The following PATJ variants were observed in gnomAD, a reference collection of about 807,000 sequenced individuals.
PATJ encodes PATJ crumbs cell polarity complex component, also known as inaD-like protein.
Under a neutral mutation model 224.9 loss-of-function variants are expected in PATJ, and 190 were observed. The ratio of observed to expected loss-of-function variants is 0.84; its 90% CI spans 0.75 to 0.95. PATJ has a LOEUF of 0.95. PATJ is among the 40% of genes least tolerant of loss of function. The probability of loss-of-function intolerance (pLI) is 0.00; values close to 1 mark genes in which losing one functional copy is unlikely to be tolerated. For synonymous variants in PATJ, 769 were observed against 820.3 expected (o/e 0.94, Z 1.07); for missense variants, 2,121 against 2,270.3 (o/e 0.93, Z 1.34).
intron 20 of PATJ, among the ~76,000 whole-genome samples, chr1:61,873,769 C>G (rs1422859870): frequency 6.6e-6 from 1 of 152,172 alleles, no homozygotes; most frequent in Non-Finnish European, 1.5e-5. Flanking sequence ...ATAAGGGAAC[C>G]TGCACAGGGA....
rs555173787 is a variant in PATJ at position 61,925,637 on chromosome 1, G to A, written c.3571-2093G>A. On this transcript the variant is annotated intron_variant, in intron 26 of 43. Coordinates refer to ENST00000642238, the MANE Select transcript of PATJ (RefSeq NM_001350145.3). ...AGGCATCACAATTTAATTGGTTCTGGTAGGTGAGTCTGCTTGAGCATCTCT... is the reference window on the plus strand; with the variant it reads ...AGGCATCACAATTTAATTGGTTCTGATAGGTGAGTCTGCTTGAGCATCTCT... Among the ~76,000 whole-genome samples, 12 of 152,276 alleles carry A rather than the reference G, an allele frequency of 7.9e-5. No homozygotes were observed. In the South Asian group the frequency reaches 2.5e-3, roughly 32 times the overall value.
At chr1:61,749,673 C>T (rs879936374) in intron 1 of PATJ, among the ~76,000 whole-genome samples, 1 of 150,438 alleles carries the variant, frequency 6.6e-6, no homozygotes, top group Non-Finnish European at 1.5e-5. Flanking sequence ...CCCCTCACCG[C>T]AGCCTGGTGT....
chr1:61,763,958 G>A (rs1245453959), intron 3 of PATJ, among the ~76,000 whole-genome samples: 2 of 151,846 alleles, frequency 1.3e-5, no homozygotes, highest in Non-Finnish European at 2.9e-5. Flanking sequence ...TTGCCCAGGC[G>A]TATTTTCCTT....
intron 31 of PATJ, among the ~76,000 whole-genome samples, chr1:62,052,276 T>A (rs1317029619): frequency 2.0e-5 from 3 of 152,114 alleles, no homozygotes; most frequent in South Asian, 4.2e-4. Context: ...ATCTTGCGAC[T>A]GCCACAGATT....
At chr1:61,932,277 C>T (rs564727859) in intron 27 of PATJ, among the ~76,000 whole-genome samples, 47 of 151,852 alleles carry the variant, frequency 3.1e-4, no homozygotes, top group Non-Finnish European at 5.7e-4. Context: ...ATTATACTTC[C>T]GATCCAGAGA....
chr1:61,973,479 C>A (rs1054000962), intron 27 of PATJ, among the ~76,000 whole-genome samples: 2 of 152,020 alleles, frequency 1.3e-5, no homozygotes, highest in African/African-American at 2.4e-5. Flanking sequence ...CCTTTTTCTG[C>A]ATTCTACTAC....
intron 1 of PATJ, among the ~76,000 whole-genome samples, chr1:61,753,667 G>A (rs555236841): frequency 5.2e-4 from 79 of 151,840 alleles, no homozygotes; most frequent in Admixed American, 2.5e-3. Context: ...GCATCACCAC[G>A]TCAAGCTGAT....
At chr1:62,057,551 A>G (rs12072096) in intron 31 of PATJ, among the ~76,000 whole-genome samples, 25,487 of 152,196 alleles carry the variant, frequency 0.17, 2,276 homozygotes, top group South Asian at 0.34. Flanking sequence ...CAGCACTGGC[A>G]GTCCATGAGA....
chr1:61,814,432 C>T (rs1333553109), intron 14 of PATJ, among the ~76,000 whole-genome samples: 10 of 152,064 alleles, frequency 6.6e-5, no homozygotes, highest in Non-Finnish European at 2.9e-5. Flanking sequence ...CGTGAGCCAC[C>T]GTGCCCGGCC....
At chr1:61,785,973 C>T (rs1648421730) in intron 7 of PATJ, among the ~76,000 whole-genome samples, 1 of 152,062 alleles carries the variant, frequency 6.6e-6, no homozygotes, top group South Asian at 2.1e-4. Context: ...AGAAATATAA[C>T]ATTATGTATC....
chr1:61,915,944 C>G (rs1673398486), intron 26 of PATJ, among the ~76,000 whole-genome samples: 1 of 152,098 alleles, frequency 6.6e-6, no homozygotes, highest in African/African-American at 2.4e-5. Flanking sequence ...ATCCACCTGC[C>G]TCGGCCTCCC....
At chr1:61,762,446 A>C (rs1300051724) in intron 1 of PATJ, among the ~76,000 whole-genome samples, 1 of 152,176 alleles carries the variant, frequency 6.6e-6, no homozygotes, top group Non-Finnish European at 1.5e-5. Context: ...GGGTTTTTGT[A>C]AATAAAAATG....
chr1:62,013,479 C>A (rs1570031525), intron 28 of PATJ: 1 of 985,410 alleles, frequency 1.0e-6, no homozygotes, highest in East Asian at 1.1e-4. Flanking sequence ...AGCTGGGAAC[C>A]ACCTAGAGGA....
intron 9 of PATJ, among the ~76,000 whole-genome samples, chr1:61,794,491 T>C (rs1450213689): frequency 6.6e-6 from 1 of 152,162 alleles, no homozygotes; most frequent in African/African-American, 2.4e-5. Flanking sequence ...TGTAAAATCA[T>C]GCAGATCTAT....
rs1356899259 is a variant in PATJ, at chr1:61,871,555, ATATTTTTTTT to A, written c.2836-3686_2836-3677del. Among the ~76,000 whole-genome samples the A allele has an allele frequency of 7.0e-3, 409 of 58,046 alleles. 8 individuals carry two copies. The highest frequency in any genetic ancestry group is 9.3e-3 in the Non-Finnish European group (312 of 33,572). The allele number at this position is 58,046 out of a possible 152,430, so 38.1% of individuals were successfully genotyped here. ...TGTGTGTGTGTATATATATATATAT[ATATTTTTTTT>A]TTTTTTTTTTTTTTTGAGATGGAAT... On this transcript the variant is annotated intron_variant, in intron 20 of 43. Coordinates refer to ENST00000642238, the MANE Select transcript of PATJ (RefSeq NM_001350145.3).
intron 27 of PATJ, among the ~76,000 whole-genome samples, chr1:61,980,827 TTC>T (rs773588238): frequency 3.4e-4 from 51 of 152,062 alleles, no homozygotes; most frequent in Admixed American, 1.6e-3. Flanking sequence ...GTGCTACCAT[TTC>T]TCTCTTAAGT....
At chr1:61,998,699 C>T (rs1645565315) in intron 28 of PATJ, among the ~76,000 whole-genome samples, 1 of 152,144 alleles carries the variant, frequency 6.6e-6, no homozygotes, top group South Asian at 2.1e-4. Context: ...CCTTCAGTTC[C>T]TTCATAGAGT....
chr1:62,144,782 A>G lies in PATJ; in HGVS notation c.5272-3502A>G, dbSNP rs567308398. Among the ~76,000 whole-genome samples, 62 of 138,568 alleles carry G rather than the reference A, an allele frequency of 4.5e-4. 2 individuals carry two copies. The highest frequency in any genetic ancestry group is 1.6e-3 in the African/African-American group (55 of 34,968). The allele number at this position is 138,568 out of a possible 152,430, so 90.9% of individuals were successfully genotyped here. On this transcript the variant is annotated intron_variant, in intron 41 of 43. Transcript: ENST00000642238. Reference sequence around the variant, plus strand: ...TGTTATTTGCAAAAAAAAAAAATATATATATATATATATAATTAGCAGAAT... The same window carrying G: ...TGTTATTTGCAAAAAAAAAAAATATGTATATATATATATAATTAGCAGAAT...
At chr1:62,080,027 CAA>C (rs201375578) in intron 32 of PATJ, among the ~76,000 whole-genome samples, 23 of 89,084 alleles carry the variant, frequency 2.6e-4, no homozygotes, top group Admixed American at 3.7e-4. Context: ...GACTCTGTCT[CAA>C]AAAAAAAAAA....
Sources: allele counts gnomAD v4.1 joint callset (sites outside exome capture counted in the v4.1 genomes callset), GRCh38; gene constraint gnomAD v4.1.1; transcripts MANE v1.5; gene names NCBI Gene and HGNC (gene_info 2026-07-23, HGNC 2026-07-21).